Variants in FAAP20 observed in about 807,000 individuals in gnomAD.
FAAP20 encodes FA core complex associated protein 20, also known as Fanconi anemia core complex-associated protein 20.
In FAAP20, 12 loss-of-function variants were observed where a neutral mutation model predicts 16.2. The observed-to-expected ratio is 0.74, with a 90% CI of 0.48 to 1.20. The LOEUF is 1.20. Ranked by LOEUF, FAAP20 falls within the 50% of genes most tolerant of loss-of-function variation. The pLI, the probability that FAAP20 is intolerant of heterozygous loss-of-function variation, is 0.00. For synonymous variants in FAAP20, 141 were observed against 110.7 expected (o/e 1.27, Z -1.72); for missense variants, 288 against 245.8 (o/e 1.17, Z -1.15).
At chr1:2,194,941 G>A (rs12034613), upstream of FAAP20, among the ~76,000 whole-genome samples, 24 of 151,990 alleles carry the variant, frequency 1.6e-4, no homozygotes, top group East Asian at 4.1e-3. Flanking sequence ...ACCGCACAGG[G>A]GGGCCTGGCG....
At chr1:2,196,193 T>G (rs1227602542), upstream of FAAP20, among the ~76,000 whole-genome samples, 1 of 152,118 alleles carries the variant, frequency 6.6e-6, no homozygotes, top group African/African-American at 2.4e-5. This position sits in a 1 kb window ranked among gnomAD's most constrained non-coding sequence, Gnocchi z 4.5. Flanking sequence ...AGCTTCTGGG[T>G]CTTTCCTGGA....
At chr1:2,211,090 C>G (rs953533690), downstream of FAAP20, among the ~76,000 whole-genome samples, 3 of 152,180 alleles carry the variant, frequency 2.0e-5, no homozygotes, top group African/African-American at 7.2e-5. Context: ...TGCCCTTGGG[C>G]ACCACGGCGG....
At chr1:2,205,742 G>A (rs2100755588) in intron 3 of FAAP20, among the ~76,000 whole-genome samples, 1 of 152,354 alleles carries the variant, frequency 6.6e-6, no homozygotes, top group Non-Finnish European at 1.5e-5. Context: ...CCTCAGTGGC[G>A]CGCCCGGGGA....
downstream of FAAP20, chr1:2,184,631 G>C (rs143763676): frequency 6.2e-7 from 1 of 1,614,048 alleles, no homozygotes; most frequent in African/African-American, 1.3e-5. Flanking sequence ...GATCACAGAC[G>C]ACTACGGTCT....
chr1:2,198,549 C>T (rs1025986005), upstream of FAAP20: 2 of 694,432 alleles, frequency 2.9e-6, no homozygotes, highest in Admixed American at 7.6e-5. Flanking sequence ...CGCTGACACC[C>T]TGCAAATCAG....
downstream of FAAP20, chr1:2,187,200 T>C (rs543313630): frequency 2.1e-6 from 1 of 471,194 alleles, no homozygotes; most frequent in South Asian, 1.6e-5. Flanking sequence ...TGCACATCCA[T>C]GAAAGACTTT....
chr1:2,202,632 T>TTTTTGTTTTG (rs1181113130), upstream of FAAP20, among the ~76,000 whole-genome samples: 1 of 151,648 alleles, frequency 6.6e-6, no homozygotes, highest in African/African-American at 2.4e-5. Context: ...CCTGGTTAAT[T>TTTTTGTTTTG]TTTTGTTTTG....
At chr1:2,204,853 G>GC (rs1557792889), upstream of FAAP20, among the ~76,000 whole-genome samples, 1 of 151,260 alleles carries the variant, frequency 6.6e-6, no homozygotes, top group African/African-American at 2.4e-5. Flanking sequence ...TGGTTCCTCT[G>GC]CCGGACCCTC....
At chr1:2,195,941 A>G (rs1291003286), upstream of FAAP20, among the ~76,000 whole-genome samples, 3 of 152,160 alleles carry the variant, frequency 2.0e-5, no homozygotes, top group Non-Finnish European at 4.4e-5. Flanking sequence ...ATGGAGATGC[A>G]GCGCTGAGTG....
chr1:2,185,691 C>T (rs960962275), downstream of FAAP20, among the ~76,000 whole-genome samples: 1 of 152,190 alleles, frequency 6.6e-6, no homozygotes, highest in Admixed American at 6.5e-5. Context: ...CATAGAGATT[C>T]TAAAACGTGG....
upstream of FAAP20, chr1:2,199,040 C>T (rs1688938374): frequency 1.6e-6 from 2 of 1,235,362 alleles, no homozygotes; most frequent in South Asian, 1.4e-5. The surrounding 1 kb of genome is among the most constrained non-coding windows in gnomAD (Gnocchi z 4.5). Flanking sequence ...CGACAGCCTC[C>T]TCACAGCCTC....
At chr1:2,189,345 C>CA (rs76686036), downstream of FAAP20, among the ~76,000 whole-genome samples, 56 of 142,040 alleles carry the variant, frequency 3.9e-4, no homozygotes, top group Middle Eastern at 3.5e-3. Context: ...AAAAAAAAAA[C>CA]AAAAAAAAAA....
At chr1:2,190,145 G>T in intron 3 of FAAP20, 1 of 504,740 alleles carries the variant, frequency 2.0e-6, no homozygotes, top group African/African-American at 1.9e-5. Flanking sequence ...GACGGCGGGT[G>T]GCCTGCCAGG....
chr1:2,211,074 G>C (rs1256684734), downstream of FAAP20, among the ~76,000 whole-genome samples: 1 of 152,166 alleles, frequency 6.6e-6, no homozygotes, highest in African/African-American at 2.4e-5. Flanking sequence ...ACTCTCAGGG[G>C]CTGGATGCCC....
chr1:2,196,399 A>G (rs898558066), upstream of FAAP20, among the ~76,000 whole-genome samples: 27 of 151,176 alleles, frequency 1.8e-4, no homozygotes, highest in Admixed American at 1.1e-3. The surrounding 1 kb of genome is among the most constrained non-coding windows in gnomAD (Gnocchi z 4.5). Flanking sequence ...TTGTCTCTAT[A>G]AATAAAAAAT....
At chr1:2,198,383 G>T (rs984786450), upstream of FAAP20, 7 of 380,806 alleles carry the variant, frequency 1.8e-5, no homozygotes, top group Non-Finnish European at 2.9e-5. Context: ...CACATTTATG[G>T]ATGATGAATC....
chr1:2,194,198 C>A, intron 1 of FAAP20, 65 bp from the exon 2 acceptor site: 1 of 1,585,028 alleles, frequency 6.3e-7, no homozygotes, highest in East Asian at 2.3e-5. Context: ...TGGGGAGACC[C>A]GGGAGGGCCT....
At chr1:2,194,201 G>T in intron 1 of FAAP20, 68 bp from the exon 2 acceptor site, 1 of 1,586,054 alleles carries the variant, frequency 6.3e-7, no homozygotes. Flanking sequence ...GGAGACCCGG[G>T]AGGGCCTGGG....
downstream of FAAP20, chr1:2,185,482 C>CG: frequency 1.4e-6 from 1 of 718,222 alleles, no homozygotes; most frequent in Non-Finnish European, 2.6e-6. Context: ...TAGGAGCCAG[C>CG]GGGACACAGG....
Sources: allele counts gnomAD v4.1 joint callset (sites outside exome capture counted in the v4.1 genomes callset), GRCh38; gene constraint gnomAD v4.1.1; non-coding constraint Gnocchi (gnomAD v3.1); transcripts MANE v1.5; gene names NCBI Gene and HGNC (gene_info 2026-07-23, HGNC 2026-07-21).